The following LRRC4C variants were observed in gnomAD, a reference collection of about 807,000 sequenced individuals.
LRRC4C encodes the protein leucine-rich repeat-containing protein 4C.
LRRC4C carries 5 observed loss-of-function variants against 33.6 expected under a neutral mutation model. That is an observed-to-expected ratio of 0.15 (90% CI 0.08 to 0.31). The LOEUF is 0.31. Among genes scored for constraint, LRRC4C ranks in the 10% least tolerant of loss-of-function variants. The probability of loss-of-function intolerance (pLI) is 1.00; values close to 1 mark genes in which losing one functional copy is unlikely to be tolerated. For synonymous variants in LRRC4C, 329 were observed against 302.0 expected, an observed-to-expected ratio of 1.09 and a Z score of -0.93; for missense variants, 560 against 796.7, an observed-to-expected ratio of 0.70 and a Z score of 3.58.
intron 1 of LRRC4C, among the ~76,000 whole-genome samples, chr11:41,224,319 C>A (rs987390502): frequency 6.6e-6 from 1 of 152,066 alleles, no homozygotes; most frequent in Non-Finnish European, 1.5e-5. Context: ...ACTTATTTTA[C>A]GGGACTAATG....
intron 1 of LRRC4C, among the ~76,000 whole-genome samples, chr11:41,411,023 C>A (rs1954454679): frequency 6.6e-6 from 1 of 151,494 alleles, no homozygotes; most frequent in South Asian, 2.1e-4. Flanking sequence ...CTATAGGAGG[C>A]AGAGATCACC....
intron 6 of LRRC4C, among the ~76,000 whole-genome samples, chr11:40,124,508 C>T (rs1216285670): frequency 3.3e-5 from 5 of 152,158 alleles, no homozygotes; most frequent in African/African-American, 1.2e-4. Flanking sequence ...CTTGCAACAA[C>T]ATGGATGGAG....
intron 1 of LRRC4C, among the ~76,000 whole-genome samples, chr11:40,981,235 G>A (rs1852499630): frequency 6.6e-6 from 1 of 152,072 alleles, no homozygotes; most frequent in Non-Finnish European, 1.5e-5. Context: ...CCAACATGGT[G>A]AAACCCCGTC....
At chr11:41,323,718 G>T (rs543146821) in intron 1 of LRRC4C, among the ~76,000 whole-genome samples, 1 of 152,162 alleles carries the variant, frequency 6.6e-6, no homozygotes, top group South Asian at 2.1e-4. Flanking sequence ...TCTTACATCT[G>T]AGAGAATTAC....
chr11:40,940,468 T>G (rs1288848886), intron 1 of LRRC4C, among the ~76,000 whole-genome samples: 1 of 152,144 alleles, frequency 6.6e-6, no homozygotes, highest in East Asian at 1.9e-4. Context: ...CCTCTCAATT[T>G]TCTTGCCTAT....
At chr11:40,502,113 C>T (rs1008412170) in intron 3 of LRRC4C, among the ~76,000 whole-genome samples, 5 of 152,150 alleles carry the variant, frequency 3.3e-5, no homozygotes, top group African/African-American at 4.8e-5. Context: ...TGCTCTAGTT[C>T]CCAACTAGTT....
chr11:40,234,182 G>GT (rs533196959), intron 5 of LRRC4C, among the ~76,000 whole-genome samples: 113 of 152,144 alleles, frequency 7.4e-4, no homozygotes, highest in African/African-American at 1.9e-3. Context: ...TTTAACCAAA[G>GT]TTTTTTTTGT....
intron 1 of LRRC4C, among the ~76,000 whole-genome samples, chr11:41,187,445 A>C (rs533197114): frequency 1.3e-5 from 2 of 152,152 alleles, no homozygotes; most frequent in Non-Finnish European, 2.9e-5. Flanking sequence ...AGTTTGGCCA[A>C]GGCATTTGGA....
chr11:40,577,403 G>T (rs1034439224), intron 3 of LRRC4C, among the ~76,000 whole-genome samples: 4 of 152,140 alleles, frequency 2.6e-5, no homozygotes, highest in African/African-American at 9.7e-5. Context: ...ATTTTAAAGG[G>T]AAAAGGAGTC....
intron 3 of LRRC4C, among the ~76,000 whole-genome samples, chr11:40,633,036 A>G (rs557162518): frequency 6.6e-6 from 1 of 152,224 alleles, no homozygotes. Context: ...TAACCATTTT[A>G]TGTCCTTTTT....
chr11:40,694,573 T>A (rs902071322), intron 2 of LRRC4C, among the ~76,000 whole-genome samples: 21 of 152,168 alleles, frequency 1.4e-4, no homozygotes, highest in Non-Finnish European at 3.1e-4. Flanking sequence ...GCCAGAGAGT[T>A]GTGGTGGTGC....
At chr11:40,349,196 T>A (rs1305595122) in intron 3 of LRRC4C, among the ~76,000 whole-genome samples, 3 of 152,134 alleles carry the variant, frequency 2.0e-5, no homozygotes, top group Non-Finnish European at 4.4e-5. Context: ...CCATTAATCA[T>A]CCCCACTCCC....
At chr11:40,683,903 G>A (rs1160163726) in intron 2 of LRRC4C, among the ~76,000 whole-genome samples, 4 of 152,162 alleles carry the variant, frequency 2.6e-5, no homozygotes, top group African/African-American at 9.6e-5. Flanking sequence ...TGTGCACACT[G>A]AGTTTAAATG....
At chr11:40,287,004 T>A (rs1254867050) in intron 4 of LRRC4C, among the ~76,000 whole-genome samples, 1 of 152,154 alleles carries the variant, frequency 6.6e-6, no homozygotes, top group Non-Finnish European at 1.5e-5. Context: ...AATTATATAT[T>A]TTTAATTTTG....
chr11:41,075,192 T>C (rs1422061630), intron 1 of LRRC4C, among the ~76,000 whole-genome samples: 1 of 152,028 alleles, frequency 6.6e-6, no homozygotes, highest in East Asian at 1.9e-4. Flanking sequence ...ACGGTCACTT[T>C]GCCCCAGGCT....
At chr11:40,265,766 T>A (rs533740361) in intron 4 of LRRC4C, among the ~76,000 whole-genome samples, 2 of 152,308 alleles carry the variant, frequency 1.3e-5, no homozygotes, top group South Asian at 4.1e-4. Flanking sequence ...AGGGATTATA[T>A]GCATACATAA....
At chr11:40,776,616 TTC>T (rs1229974588) in intron 2 of LRRC4C, among the ~76,000 whole-genome samples, 2 of 152,128 alleles carry the variant, frequency 1.3e-5, no homozygotes, top group African/African-American at 4.8e-5. Flanking sequence ...TTGGATTTTT[TTC>T]TCTTTTTTTG....
intron 3 of LRRC4C, among the ~76,000 whole-genome samples, chr11:40,636,341 AG>A (rs1036570312): frequency 1.3e-5 from 2 of 152,210 alleles, no homozygotes; most frequent in African/African-American, 4.8e-5. Context: ...TTTATGGGTA[AG>A]GGAGATCCAA....
intron 5 of LRRC4C, among the ~76,000 whole-genome samples, chr11:40,221,093 C>T (rs1864382375): frequency 6.6e-6 from 1 of 152,062 alleles, no homozygotes; most frequent in Non-Finnish European, 1.5e-5. Context: ...TCAGGCTGGT[C>T]TCAAACTCCT....
Sources: gnomAD v4.1 joint callset for allele counts (sites outside exome capture counted in the v4.1 genomes callset) on GRCh38, gnomAD v4.1.1 for gene constraint, MANE v1.5 for transcripts, NCBI Gene and HGNC (gene_info 2026-07-23, HGNC 2026-07-21) for gene names.